Variants in CREB5 observed in about 807,000 individuals in gnomAD.
The protein encoded by CREB5 is cyclic AMP-responsive element-binding protein 5.
A neutral mutation model predicts 57.1 loss-of-function variants in CREB5; 19 were observed. The ratio of observed to expected loss-of-function variants is 0.33; its 90% CI spans 0.23 to 0.49. The LOEUF is 0.49. CREB5 is among the 20% of genes least tolerant of loss of function. The pLI, the probability that CREB5 is intolerant of heterozygous loss-of-function variation, is 0.99. For synonymous variants in CREB5, 238 were observed against 238.3 expected (o/e 1.00, Z 0.01); for missense variants, 579 against 671.6 (o/e 0.86, Z 1.52).
At chr7:28,387,613 C>T (rs1271272063) in intron 1 of CREB5, among the ~76,000 whole-genome samples, 1 of 151,986 alleles carries the variant, frequency 6.6e-6, no homozygotes, top group Non-Finnish European at 1.5e-5. Flanking sequence ...GAAAGAGCAA[C>T]ACACGCTGGG....
chr7:28,338,599 T>A (rs867394250), intron 1 of CREB5, among the ~76,000 whole-genome samples: 3 of 152,274 alleles, frequency 2.0e-5, no homozygotes, highest in Middle Eastern at 6.8e-3. Flanking sequence ...CTTGAGGTAG[T>A]CTTTTTTGGA....
At position 28,804,386 on chromosome 7, in the gene CREB5, C is replaced by A. The variant is rs377537383; in HGVS notation, c.890C>A (p.Pro297Gln). 89 of 1,613,712 alleles carry A rather than the reference C, an allele frequency of 5.5e-5. No individual in the cohort carries two copies. The highest frequency in any genetic ancestry group is 7.3e-5 in the Non-Finnish European group (86 of 1,179,882). The change falls in exon 8 of 11, where the codon CCA (proline) becomes CAA (glutamine). Residue 297 changes from proline (P) to glutamine (Q), a missense_variant. Pro to Gln is a moderately conservative substitution (Grantham distance 76, BLOSUM62 -1). Coordinates refer to ENST00000357727, the MANE Select transcript of CREB5 (RefSeq NM_182898.4). The stretch of plus-strand genomic sequence containing the variant: ...CCTTACCCACACCAGCACCAGCACC[C>A]AGCACACCATCCTCACCCTCAACCC... ...HHPYPHQHQH[P>Q]AHHPHPQPHH...
chr7:28,338,989 T>C (rs1215964826), intron 1 of CREB5, among the ~76,000 whole-genome samples: 1 of 152,102 alleles, frequency 6.6e-6, no homozygotes, highest in Non-Finnish European at 1.5e-5. Context: ...ATTCTCTTTG[T>C]TAAATTTACC....
At chr7:28,421,647 G>C (rs1361684873) in intron 1 of CREB5, among the ~76,000 whole-genome samples, 2 of 151,870 alleles carry the variant, frequency 1.3e-5, no homozygotes, top group South Asian at 4.2e-4. Context: ...TTGGATCTGG[G>C]TGAGCCCTGT....
At position 28,631,368 on chromosome 7, in the gene CREB5, G is replaced by A. The variant is rs954021452; in HGVS notation, c.464+60831G>A. Among the ~76,000 whole-genome samples, 6 of 152,302 alleles carry A rather than the reference G, an allele frequency of 3.9e-5. No individual in the cohort carries two copies. In the East Asian group the frequency reaches 1.2e-3, roughly 29 times the overall value. The stretch of plus-strand genomic sequence containing the variant: ...GCCTCAGCTCTGCCAAATACCAGCT[G>A]TGTGGCCTTGAGAAAGGCACTCAAT... On this transcript the variant is annotated intron_variant, in intron 5 of 10. Transcript: ENST00000357727.
intron 4 of CREB5, among the ~76,000 whole-genome samples, chr7:28,519,414 C>T (rs902733420): frequency 6.6e-6 from 1 of 152,184 alleles, no homozygotes; most frequent in African/African-American, 2.4e-5. Context: ...AATCCAACAC[C>T]AGCTTTAACA....
At chr7:28,352,616 T>G (rs1786255809) in intron 1 of CREB5, among the ~76,000 whole-genome samples, 1 of 152,206 alleles carries the variant, frequency 6.6e-6, no homozygotes, top group African/African-American at 2.4e-5. Context: ...AGTCACAAGA[T>G]GACTGCCACA....
At chr7:28,513,107 A>T (rs777242260) in intron 4 of CREB5, among the ~76,000 whole-genome samples, 5 of 152,170 alleles carry the variant, frequency 3.3e-5, no homozygotes, top group Non-Finnish European at 7.4e-5. Context: ...GATGCCACCC[A>T]TTACTTGGGG....
intron 1 of CREB5, among the ~76,000 whole-genome samples, chr7:28,442,606 C>T (rs1789240654): frequency 6.6e-6 from 1 of 152,208 alleles, no homozygotes. Flanking sequence ...CGCATCCACA[C>T]TGTCAGCATG....
chr7:28,331,172 T>C (rs1785709237), intron 1 of CREB5, among the ~76,000 whole-genome samples: 1 of 152,158 alleles, frequency 6.6e-6, no homozygotes, highest in Admixed American at 6.5e-5. Flanking sequence ...TCTAGTTCAG[T>C]ATTCCTCAAC....
intron 5 of CREB5, among the ~76,000 whole-genome samples, chr7:28,710,351 G>T (rs1802340639): frequency 6.6e-6 from 1 of 152,000 alleles, no homozygotes; most frequent in Non-Finnish European, 1.5e-5. Context: ...ATTAATAAAA[G>T]ACATATTTAT....
chr7:28,658,221 C>T (rs568920204), intron 5 of CREB5, among the ~76,000 whole-genome samples: 2 of 152,188 alleles, frequency 1.3e-5, no homozygotes, highest in Non-Finnish European at 2.9e-5. Flanking sequence ...TTCTCTCATG[C>T]ACGCCCCAGA....
rs35658848 is a variant in CREB5, at chr7:28,802,078, GAAAAAAAAAAAAA to G, written c.703-2106_703-2094del. Among the ~76,000 whole-genome samples the G allele has an allele frequency of 7.5e-4, 20 of 26,650 alleles. No homozygotes were observed. The South Asian group carries it at 0.052, about 69-fold the overall frequency. 17.5% of individuals were successfully genotyped at this position (26,650 alleles called of 152,430 possible). Reference sequence around the variant, plus strand: ...CTGGCGACACAGCGAGACTCCATCTGAAAAAAAAAAAAAAAAAAAAAAAAAAAGGAGGAAACAC... The same window carrying G: ...CTGGCGACACAGCGAGACTCCATCTGAAAAAAAAAAAAAAGGAGGAAACAC... On this transcript the variant is annotated intron_variant, in intron 7 of 10. Transcript: ENST00000357727.
At chr7:28,511,899 T>C (rs1792715288) in intron 4 of CREB5, among the ~76,000 whole-genome samples, 1 of 152,206 alleles carries the variant, frequency 6.6e-6, no homozygotes, top group Non-Finnish European at 1.5e-5. Context: ...GAGAGACCAG[T>C]TGAGACGGTA....
intron 5 of CREB5, among the ~76,000 whole-genome samples, chr7:28,573,809 C>T (rs1795797116): frequency 6.6e-6 from 1 of 152,138 alleles, no homozygotes; most frequent in Non-Finnish European, 1.5e-5. Context: ...TGAACAGGCA[C>T]TGAGCCAAAC....
chr7:28,560,969 T>TGCGCGC (rs1395767512), intron 4 of CREB5, among the ~76,000 whole-genome samples: 3 of 24,972 alleles, frequency 1.2e-4, no homozygotes, highest in Non-Finnish European at 1.9e-4. Flanking sequence ...TGCGTGTGTG[T>TGCGCGC]GTGCGTGTGT....
chr7:28,371,492 A>C (rs1270782251), intron 1 of CREB5, among the ~76,000 whole-genome samples: 1 of 9,794 alleles, frequency 1.0e-4, no homozygotes, highest in African/African-American at 2.4e-4. Flanking sequence ...ACTCCATCTC[A>C]AAAAAAAAAA....
intron 5 of CREB5, among the ~76,000 whole-genome samples, chr7:28,668,214 G>A (rs1258903514): frequency 1.3e-5 from 2 of 152,090 alleles, no homozygotes; most frequent in African/African-American, 4.8e-5. Context: ...ACTTTATGCT[G>A]TTCAGTTTTT....
At chr7:28,590,710 A>T (rs534735633) in intron 5 of CREB5, among the ~76,000 whole-genome samples, 1 of 145,712 alleles carries the variant, frequency 6.9e-6, no homozygotes, top group African/African-American at 2.6e-5. Flanking sequence ...ATAATAATAA[A>T]AACCCAAACT....
Sources: gnomAD v4.1 joint callset for allele counts (sites outside exome capture counted in the v4.1 genomes callset) on GRCh38, gnomAD v4.1.1 for gene constraint, MANE v1.5 for transcripts, NCBI Gene and HGNC (gene_info 2026-07-23, HGNC 2026-07-21) for gene names.